Variants in PAX5 observed in about 807,000 individuals in gnomAD.
The protein encoded by PAX5 is paired box 5, also known as paired box protein Pax-5.
PAX5 carries 9 observed loss-of-function variants against 43.7 expected under a neutral mutation model. The ratio of observed to expected loss-of-function variants is 0.21; its 90% CI spans 0.12 to 0.36. The LOEUF is 0.36. Among genes scored for constraint, PAX5 ranks in the 10% least tolerant of loss-of-function variants. The probability of loss-of-function intolerance (pLI) is 1.00; values close to 1 mark genes in which losing one functional copy is unlikely to be tolerated. For synonymous variants in PAX5, 228 were observed against 214.3 expected (o/e 1.06, Z -0.56); for missense variants, 383 against 532.7 (o/e 0.72, Z 2.77).
chr9:36,937,127 A>T (rs917911154), intron 6 of PAX5, among the ~76,000 whole-genome samples: 1 of 152,060 alleles, frequency 6.6e-6, no homozygotes, highest in African/African-American at 2.4e-5. Context: ...CTCCCCCTAC[A>T]CCCTCACATA....
At chr9:36,901,388 C>T (rs909358550) in intron 7 of PAX5, among the ~76,000 whole-genome samples, 2 of 152,132 alleles carry the variant, frequency 1.3e-5, no homozygotes, top group Admixed American at 6.5e-5. Flanking sequence ...CACCCAGCCT[C>T]GGGAAGTGGC....
chr9:36,984,959 C>T (rs189248623), intron 5 of PAX5, among the ~76,000 whole-genome samples: 3 of 152,344 alleles, frequency 2.0e-5, no homozygotes, highest in Admixed American at 2.0e-4. Flanking sequence ...CTGTAGACAA[C>T]TCACACTCAA....
intron 7 of PAX5, among the ~76,000 whole-genome samples, chr9:36,905,789 AG>A (rs1405386338): frequency 9.9e-5 from 15 of 152,218 alleles, no homozygotes; most frequent in Non-Finnish European, 1.9e-4. Context: ...ATAGGAGTCA[AG>A]GGATATGGGC....
intron 5 of PAX5, among the ~76,000 whole-genome samples, chr9:36,981,195 C>CCCCCCCCT (rs1835897225): frequency 6.9e-6 from 1 of 145,296 alleles, no homozygotes; most frequent in South Asian, 2.2e-4. Flanking sequence ...GCCCCCCCCC[C>CCCCCCCCT]CTCAGCCCTG....
intron 1 of PAX5, among the ~76,000 whole-genome samples, chr9:37,028,498 G>T (rs1310328048): frequency 6.6e-6 from 1 of 152,218 alleles, no homozygotes; most frequent in Non-Finnish European, 1.5e-5. Context: ...GCGCACCAGG[G>T]CGCACCTGGG....
intron 5 of PAX5, among the ~76,000 whole-genome samples, chr9:36,967,799 GT>G (rs1204418663): frequency 4.6e-5 from 7 of 152,160 alleles, no homozygotes; most frequent in African/African-American, 1.7e-4. Context: ...AAGTTTGAAT[GT>G]ACTGCTTATT....
At chr9:37,011,204 A>T (rs1838904440) in intron 3 of PAX5, among the ~76,000 whole-genome samples, 2 of 152,022 alleles carry the variant, frequency 1.3e-5, no homozygotes, top group South Asian at 4.1e-4. Context: ...TAGAATTAAG[A>T]GCAGAACTAA....
Position 36,986,643 on chromosome 9 carries a change from C to T in PAX5, c.604+16005G>A, listed in dbSNP as rs536207063. Among the ~76,000 whole-genome samples, 4 of 152,176 alleles carry T rather than the reference C, an allele frequency of 2.6e-5. No individual in the cohort carries two copies. In the East Asian group the frequency reaches 7.8e-4, roughly 30 times the overall value. On this transcript the variant is annotated intron_variant, in intron 5 of 9. Coordinates refer to ENST00000358127, the MANE Select transcript of PAX5 (RefSeq NM_016734.3). ...CCGCCCCCGGCCCTGGGGACTCCTC[C>T]GTCGGAGCCCGAGCCCCGAGGACTC...
At chr9:36,872,964 G>C (rs1463788282) in intron 8 of PAX5, among the ~76,000 whole-genome samples, 1 of 151,920 alleles carries the variant, frequency 6.6e-6, no homozygotes, top group African/African-American at 2.4e-5. Context: ...GCCCCACAAG[G>C]CTTTGGTCAC....
chr9:36,833,346 C>T lies in PAX5; in HGVS notation c.*7214G>A. On this transcript the variant is annotated 3_prime_UTR_variant, in exon 10 of 10. Transcript: ENST00000358127. ...CAAATATTTACAAATAATTATCTCA[C>T]ATAAAGGTTACATAAAATCAATTCT... 1 of 232,972 alleles carries T rather than the reference C, an allele frequency of 4.3e-6. No homozygotes were observed. Among genetic ancestry groups the T allele is most frequent in the Non-Finnish European group, 8.5e-6 (1 of 117,936 alleles). The allele number at this position is 232,972 out of a possible 1,614,324, so 14.4% of individuals were successfully genotyped here. A position where few individuals can be genotyped will look rare whatever the true frequency, so the allele number is the denominator to read the frequency against.
chr9:36,960,887 G>A (rs1353983267), intron 6 of PAX5, among the ~76,000 whole-genome samples: 1 of 152,138 alleles, frequency 6.6e-6, no homozygotes, highest in African/African-American at 2.4e-5. Context: ...GCCTTCTCCA[G>A]CCCGCCATCT....
chr9:36,885,522 A>C (rs1826838547), intron 7 of PAX5, among the ~76,000 whole-genome samples: 1 of 152,222 alleles, frequency 6.6e-6, no homozygotes, highest in South Asian at 2.1e-4. Flanking sequence ...TTAGAGAGCT[A>C]CTATGATCCC....
intron 8 of PAX5, among the ~76,000 whole-genome samples, chr9:36,855,536 A>G (rs894013161): frequency 1.3e-5 from 2 of 152,210 alleles, no homozygotes; most frequent in Non-Finnish European, 1.5e-5. Flanking sequence ...GGTGCAAGAT[A>G]ACACCTGATT....
chr9:36,959,571 C>T (rs948500436), intron 6 of PAX5, among the ~76,000 whole-genome samples: 6 of 152,212 alleles, frequency 3.9e-5, no homozygotes, highest in African/African-American at 1.4e-4. Context: ...AGGAGAGAGG[C>T]AGGGTGAGAG....
At chr9:36,964,985 G>A (rs368411277) in intron 6 of PAX5, among the ~76,000 whole-genome samples, 18 of 151,994 alleles carry the variant, frequency 1.2e-4, no homozygotes, top group East Asian at 1.9e-4. Context: ...TCCATTCCTC[G>A]TTCCTGCCGC....
chr9:36,885,966 C>T (rs1054236366), intron 7 of PAX5, among the ~76,000 whole-genome samples: 3 of 152,138 alleles, frequency 2.0e-5, no homozygotes, highest in African/African-American at 4.8e-5. Flanking sequence ...TAGGTTCAGC[C>T]GTGTGCCTTG....
chr9:36,973,083 CGGAAAGGAAA>C (rs1171700120), intron 5 of PAX5, among the ~76,000 whole-genome samples: 9 of 74,544 alleles, frequency 1.2e-4, no homozygotes, highest in African/African-American at 2.0e-4. Context: ...CGGAACGGAA[CGGAAAGGAAA>C]GGAAAGGAAA....
intron 3 of PAX5, among the ~76,000 whole-genome samples, 163 bp from the exon 4 acceptor site, chr9:37,006,700 A>G (rs1838424548): frequency 6.6e-6 from 1 of 152,220 alleles, no homozygotes; most frequent in Non-Finnish European, 1.5e-5. Flanking sequence ...CCAGGCTGGA[A>G]TCAGGAGGGT....
At chr9:36,977,307 G>T (rs1176717322) in intron 5 of PAX5, among the ~76,000 whole-genome samples, 6 of 139,648 alleles carry the variant, frequency 4.3e-5, no homozygotes, top group Non-Finnish European at 9.3e-5. Context: ...TCTAAAGATT[G>T]GGGGGGTGGG....
Sources: gnomAD v4.1 joint callset for allele counts (sites outside exome capture counted in the v4.1 genomes callset) on GRCh38, gnomAD v4.1.1 for gene constraint, MANE v1.5 for transcripts, NCBI Gene and HGNC (gene_info 2026-07-23, HGNC 2026-07-21) for gene names.